The following XRCC5 variants were observed in gnomAD, a reference collection of about 807,000 sequenced individuals.
XRCC5 encodes the protein X-ray repair cross complementing 5, also known as DNA repair protein Ku80.
A neutral mutation model predicts 95.7 loss-of-function variants in XRCC5; 12 were observed. The observed-to-expected ratio is 0.13, with a 90% CI of 0.08 to 0.20. XRCC5 has a LOEUF of 0.20. Ranked by LOEUF, XRCC5 falls within the 10% of genes least tolerant of loss-of-function variation. The pLI, the probability that XRCC5 is intolerant of heterozygous loss-of-function variation, is 1.00. For synonymous variants in XRCC5, 281 were observed against 290.3 expected (o/e 0.97, Z 0.33); for missense variants, 595 against 873.9 (o/e 0.68, Z 4.02).
Position 216,141,307 on chromosome 2 carries a change from G to A in XRCC5, c.1464G>A (p.Gln488=). ...CCAAAATCCCAAATCCTCGATTTCA[G>A]AGATTATTTCAGGTAAGAGAAGAAG... ...PTTKIPNPRF[Q]RLFQCLLHRA... Residue 488 remains glutamine, a synonymous_variant, in exon 13 of 21, where the codon CAG becomes CAA. Transcript: ENST00000392132. 1 of 1,614,034 alleles carries A rather than the reference G, an allele frequency of 6.2e-7. No individual in the cohort carries two copies. The highest frequency in any genetic ancestry group is 8.5e-7 in the Non-Finnish European group (1 of 1,180,000).
intron 1 of XRCC5, 141 bp from the exon 2 acceptor site, chr2:216,112,875 C>T: frequency 1.6e-6 from 1 of 626,656 alleles, no homozygotes; most frequent in Non-Finnish European, 2.8e-6. Flanking sequence ...GTCTTACACA[C>T]ATTCTTATGT....
chr2:216,110,823 G>C (rs1696576727), intron 1 of XRCC5, among the ~76,000 whole-genome samples: 1 of 152,032 alleles, frequency 6.6e-6, no homozygotes, highest in Non-Finnish European at 1.5e-5. Flanking sequence ...AGGTTATCAT[G>C]CCCCAGGCAT....
At chr2:216,150,060 C>T (rs1015121890) in intron 14 of XRCC5, among the ~76,000 whole-genome samples, 3 of 152,140 alleles carry the variant, frequency 2.0e-5, no homozygotes, top group Non-Finnish European at 4.4e-5. Context: ...TCTAAAACCC[C>T]TCAATTTTGA....
At chr2:216,199,268 C>T (rs1160893929) in intron 19 of XRCC5, among the ~76,000 whole-genome samples, 1 of 152,120 alleles carries the variant, frequency 6.6e-6, no homozygotes, top group Non-Finnish European at 1.5e-5. Flanking sequence ...AAATAATTAT[C>T]CAGGGATGTT....
At chr2:216,114,070 T>A (rs761533652) in intron 2 of XRCC5, among the ~76,000 whole-genome samples, 1 of 152,128 alleles carries the variant, frequency 6.6e-6, no homozygotes, top group African/African-American at 2.4e-5. Context: ...CAGTGTCCCA[T>A]GTGTAAAATG....
intron 16 of XRCC5, among the ~76,000 whole-genome samples, chr2:216,182,947 A>C (rs538080005): frequency 6.6e-6 from 1 of 152,244 alleles, no homozygotes; most frequent in Non-Finnish European, 1.5e-5. Context: ...AGGAAACTTA[A>C]AATTTGCCAG....
At chr2:216,177,205 A>G (rs1304549562) in intron 16 of XRCC5, among the ~76,000 whole-genome samples, 3 of 152,130 alleles carry the variant, frequency 2.0e-5, no homozygotes, top group African/African-American at 7.2e-5. Flanking sequence ...TGTCAGGGCA[A>G]TTTGGTTGAT....
chr2:216,187,821 A>ACTCACTCTCTCT (rs1689530207), intron 16 of XRCC5, among the ~76,000 whole-genome samples: 1 of 47,950 alleles, frequency 2.1e-5, no homozygotes, highest in Non-Finnish European at 3.6e-5. Context: ...ACACACACAC[A>ACTCACTCTCTCT]CTCTCTCTCT....
intron 16 of XRCC5, among the ~76,000 whole-genome samples, chr2:216,170,028 A>G (rs532376696): frequency 4.3e-5 from 5 of 117,482 alleles, no homozygotes; most frequent in Non-Finnish European, 8.6e-5. Context: ...ACAGAGCAAG[A>G]CTGTGTCTCA....
chr2:216,187,947 C>T (rs1331232503), intron 16 of XRCC5, among the ~76,000 whole-genome samples: 1 of 151,188 alleles, frequency 6.6e-6, no homozygotes, highest in Non-Finnish European at 1.5e-5. Flanking sequence ...TATCCAACCG[C>T]TAAAATTTCT....
chr2:216,138,256 G>C, intron 12 of XRCC5, 77 bp downstream of exon 12: 2 of 1,315,684 alleles, frequency 1.5e-6, no homozygotes, highest in Non-Finnish European at 2.2e-6. Context: ...CTAGTTGTTG[G>C]TTGGGGCTAG....
intron 19 of XRCC5, among the ~76,000 whole-genome samples, chr2:216,201,820 T>C (rs1489031103): frequency 6.6e-6 from 1 of 152,198 alleles, no homozygotes; most frequent in Non-Finnish European, 1.5e-5. Flanking sequence ...TGGGCTAGAA[T>C]TACTTGCAGT....
intron 12 of XRCC5, among the ~76,000 whole-genome samples, chr2:216,138,980 A>G (rs998786900): frequency 6.6e-6 from 1 of 152,112 alleles, no homozygotes; most frequent in African/African-American, 2.4e-5. Flanking sequence ...AAGGCCAAGA[A>G]TCAGATGGGT....
intron 14 of XRCC5, chr2:216,156,817 A>G: frequency 2.2e-6 from 1 of 458,610 alleles, no homozygotes; most frequent in Non-Finnish European, 4.5e-6. Flanking sequence ...GCCATTTTTC[A>G]AGGTAACAGA....
At chr2:216,154,336 T>C (rs1386673650) in intron 14 of XRCC5, among the ~76,000 whole-genome samples, 2 of 152,238 alleles carry the variant, frequency 1.3e-5, no homozygotes, top group African/African-American at 2.4e-5. Flanking sequence ...TGTAAAAGGA[T>C]GCTGATAATA....
At chr2:216,192,768 T>C (rs1689641270) in intron 18 of XRCC5, 33 bp downstream of exon 18, 1 of 1,411,256 alleles carries the variant, frequency 7.1e-7, no homozygotes, top group African/African-American at 1.5e-5. Flanking sequence ...TTTTAAAAAG[T>C]ATTTTTAAAA....
chr2:216,109,907 A>G (rs1329464766), intron 1 of XRCC5, among the ~76,000 whole-genome samples: 1 of 152,212 alleles, frequency 6.6e-6, no homozygotes, highest in African/African-American at 2.4e-5. Context: ...GAGAGGGACT[A>G]TCTGTGACTA....
chr2:216,129,642 C>G (rs997492615), intron 8 of XRCC5, among the ~76,000 whole-genome samples: 34 of 152,162 alleles, frequency 2.2e-4, no homozygotes, highest in African/African-American at 8.2e-4. Context: ...GGTTTTGTCA[C>G]TAGCTTTTTA....
intron 19 of XRCC5, among the ~76,000 whole-genome samples, chr2:216,199,862 C>A: frequency 8.8e-6 from 1 of 113,266 alleles, no homozygotes; most frequent in African/African-American, 3.3e-5. Flanking sequence ...TGAGCTATAT[C>A]TAAATAATCA....
Sources: gnomAD v4.1 joint callset for allele counts (sites outside exome capture counted in the v4.1 genomes callset) on GRCh38, gnomAD v4.1.1 for gene constraint, MANE v1.5 for transcripts, NCBI Gene and HGNC (gene_info 2026-07-23, HGNC 2026-07-21) for gene names.